The following CXCL13 variants were observed in gnomAD, a reference collection of about 807,000 sequenced individuals.
The protein encoded by CXCL13 is C-X-C motif chemokine 13.
In CXCL13, 7 loss-of-function variants were observed where a neutral mutation model predicts 12.2. The observed-to-expected ratio is 0.57, with a 90% CI of 0.33 to 1.07. The LOEUF (loss-of-function observed/expected upper bound fraction) is 1.07, where lower values mean the gene tolerates loss of function less well. Among genes scored for constraint, CXCL13 ranks in the 50% least tolerant of loss-of-function variants. CXCL13 has a pLI of 0.04. For missense variants in CXCL13, 113 were observed against 127.4 expected, an observed-to-expected ratio of 0.89 and a Z score of 0.55; for synonymous variants, 47 against 42.4, an observed-to-expected ratio of 1.11 and a Z score of -0.42.
chr4:77,563,556 G>A (rs1452162816), intron 1 of CXCL13, among the ~76,000 whole-genome samples: 3 of 152,196 alleles, frequency 2.0e-5, no homozygotes, highest in African/African-American at 7.2e-5. Context: ...TGGCTGCTAT[G>A]AGAAATTCCT....
At chr4:77,606,546 A>G (rs1020268222) in intron 1 of CXCL13, among the ~76,000 whole-genome samples, 1 of 152,214 alleles carries the variant, frequency 6.6e-6, no homozygotes, top group African/African-American at 2.4e-5. Context: ...CAGATTTAGA[A>G]GGCCAAATTT....
intron 1 of CXCL13, among the ~76,000 whole-genome samples, chr4:77,517,002 T>C (rs1724438954): frequency 6.6e-6 from 1 of 152,242 alleles, no homozygotes; most frequent in African/African-American, 2.4e-5. Context: ...TTCTGGTATC[T>C]TGTGTCTTTG....
chr4:77,597,927 C>T (rs1726800481), intron 1 of CXCL13, among the ~76,000 whole-genome samples: 1 of 152,194 alleles, frequency 6.6e-6, no homozygotes, highest in Non-Finnish European at 1.5e-5. Flanking sequence ...GAATCCCTGC[C>T]CTCTCATTTC....
chr4:77,547,650 T>G (rs1343749482), intron 1 of CXCL13, among the ~76,000 whole-genome samples: 1 of 152,220 alleles, frequency 6.6e-6, no homozygotes, highest in Admixed American at 6.5e-5. Flanking sequence ...ATGGGTTTCC[T>G]GAATACAGCA....
At chr4:77,610,578 G>C in intron 2 of CXCL13, 36 bp from the exon 3 acceptor site, 1 of 1,459,570 alleles carries the variant, frequency 6.9e-7, no homozygotes, top group Non-Finnish European at 9.6e-7. Flanking sequence ...TGACTAAAAT[G>C]TAAGACTGAA....
intron 1 of CXCL13, among the ~76,000 whole-genome samples, chr4:77,556,953 G>A (rs1231994838): frequency 6.6e-6 from 1 of 152,068 alleles, no homozygotes; most frequent in African/African-American, 2.4e-5. Context: ...GGAGTTCGAG[G>A]CTGCAGTGAT....
upstream of CXCL13, among the ~76,000 whole-genome samples, chr4:77,601,316 C>A (rs1327811507): frequency 6.6e-6 from 1 of 152,122 alleles, no homozygotes; most frequent in Non-Finnish European, 1.5e-5. Flanking sequence ...TTTGCACTGT[C>A]CAAACTCATC....
At chr4:77,553,667 C>A (rs972888092) in intron 1 of CXCL13, among the ~76,000 whole-genome samples, 4 of 152,200 alleles carry the variant, frequency 2.6e-5, no homozygotes, top group Non-Finnish European at 4.4e-5. Context: ...CTTCTCCTCC[C>A]TGGGATCTGG....
At chr4:77,573,921 TGC>T (rs1386396182) in intron 1 of CXCL13, among the ~76,000 whole-genome samples, 2 of 151,986 alleles carry the variant, frequency 1.3e-5, no homozygotes, top group Non-Finnish European at 2.9e-5. Context: ...GAAAACCATG[TGC>T]CATCTGTTTA....
intron 1 of CXCL13, among the ~76,000 whole-genome samples, chr4:77,518,294 A>T (rs1249779798): frequency 6.6e-6 from 1 of 151,978 alleles, no homozygotes; most frequent in Non-Finnish European, 1.5e-5. Flanking sequence ...GTTCTGGAGG[A>T]GTATCTTTGT....
intron 1 of CXCL13, among the ~76,000 whole-genome samples, chr4:77,598,015 A>G (rs980211092): frequency 2.0e-5 from 3 of 152,248 alleles, no homozygotes; most frequent in Non-Finnish European, 2.9e-5. Flanking sequence ...AGACAGGAAG[A>G]CAAGAAGCTG....
chr4:77,591,685 C>A (rs980584647), intron 1 of CXCL13, among the ~76,000 whole-genome samples: 2 of 152,050 alleles, frequency 1.3e-5, no homozygotes, highest in African/African-American at 4.8e-5. Context: ...ACTCTGGAAT[C>A]CACATGTGTA....
At chr4:77,547,133 A>T (rs1257659173) in intron 1 of CXCL13, among the ~76,000 whole-genome samples, 1 of 152,136 alleles carries the variant, frequency 6.6e-6, no homozygotes, top group Non-Finnish European at 1.5e-5. Context: ...GTTCTTTTAC[A>T]TTTGCTGAGG....
chr4:77,518,717 T>C (rs1343087088), intron 1 of CXCL13, among the ~76,000 whole-genome samples: 1 of 152,204 alleles, frequency 6.6e-6, no homozygotes, highest in Non-Finnish European at 1.5e-5. Flanking sequence ...TCTAAGTTTT[T>C]AACTTCTTTG....
At chr4:77,527,403 G>A (rs1347849349) in intron 1 of CXCL13, among the ~76,000 whole-genome samples, 3 of 152,134 alleles carry the variant, frequency 2.0e-5, no homozygotes, top group Admixed American at 2.0e-4. Context: ...AGGCTGAGGC[G>A]GGTGGATTAA....
intron 1 of CXCL13, among the ~76,000 whole-genome samples, chr4:77,537,553 T>C (rs1725089493): frequency 6.6e-6 from 1 of 152,216 alleles, no homozygotes; most frequent in Non-Finnish European, 1.5e-5. Context: ...AGTAATGTGT[T>C]GGATAACAGT....
intron 1 of CXCL13, among the ~76,000 whole-genome samples, chr4:77,543,374 G>C (rs1725253792): frequency 1.3e-5 from 2 of 151,970 alleles, no homozygotes; most frequent in South Asian, 4.1e-4. Flanking sequence ...ACTGCTCTGA[G>C]TTTAGTTCTT....
intron 1 of CXCL13, among the ~76,000 whole-genome samples, chr4:77,530,926 C>T (rs1724898903): frequency 1.3e-5 from 2 of 151,674 alleles, no homozygotes; most frequent in Non-Finnish European, 2.9e-5. Context: ...CTATAAATTT[C>T]CCTCTACACA....
intron 1 of CXCL13, among the ~76,000 whole-genome samples, chr4:77,562,867 C>T (rs1038208400): frequency 1.3e-5 from 2 of 152,118 alleles, no homozygotes; most frequent in Admixed American, 1.3e-4. Flanking sequence ...GTAAAACACA[C>T]CAATCAGCTC....
Sources: allele counts gnomAD v4.1 joint callset (sites outside exome capture counted in the v4.1 genomes callset), GRCh38; gene constraint gnomAD v4.1.1; transcripts MANE v1.5; gene names NCBI Gene and HGNC (gene_info 2026-07-23, HGNC 2026-07-21).